SH3D19: variants seen among roughly 807,000 people sequenced by gnomAD.
SH3D19 encodes the protein SH3 domain containing 19.
Under a neutral mutation model 112.1 loss-of-function variants are expected in SH3D19, and 58 were observed. The ratio of observed to expected loss-of-function variants is 0.52; its 90% CI spans 0.42 to 0.64. The LOEUF is 0.64. Among genes scored for constraint, SH3D19 ranks in the 30% least tolerant of loss-of-function variants. The pLI, the probability that SH3D19 is intolerant of heterozygous loss-of-function variation, is 0.00. For synonymous variants in SH3D19, 391 were observed against 448.5 expected, an observed-to-expected ratio of 0.87 and a Z score of 1.62; for missense variants, 1,090 against 1,263.4, an observed-to-expected ratio of 0.86 and a Z score of 2.08.
chr4:151,265,651 A>T, intron 1 of SH3D19, among the ~76,000 whole-genome samples: 1 of 141,552 alleles, frequency 7.1e-6, no homozygotes, highest in South Asian at 2.2e-4. Context: ...ATCTCAGCTC[A>T]CTGCAACCTC....
At chr4:151,220,463 C>A (rs1292418615) in intron 2 of SH3D19, among the ~76,000 whole-genome samples, 16 of 152,246 alleles carry the variant, frequency 1.1e-4, no homozygotes, top group Admixed American at 2.6e-4. Flanking sequence ...GTAGATAAAA[C>A]ATTTGAGATG....
At chr4:151,277,983 G>A (rs1773809285) in intron 1 of SH3D19, among the ~76,000 whole-genome samples, 1 of 152,180 alleles carries the variant, frequency 6.6e-6, no homozygotes, top group South Asian at 2.1e-4. Context: ...GGAGGTTGCA[G>A]TAAGCCGAGA....
intron 1 of SH3D19, among the ~76,000 whole-genome samples, chr4:151,299,591 A>AAG (rs1728147550): frequency 6.7e-6 from 1 of 149,864 alleles, no homozygotes; most frequent in Non-Finnish European, 1.5e-5. Context: ...AAAAAAAAAA[A>AAG]AAAAAAAAAA....
In SH3D19 at chr4:151,122,097, G is replaced by A; in HGVS notation, c.3138C>T (p.Ile1046=). 6.5e-7 allele frequency: 1 copy of A among 1,535,914 alleles called. No individual in the cohort carries two copies. The highest frequency in any genetic ancestry group is 9.0e-7 in the Non-Finnish European group (1 of 1,109,684). ...ACACAGACAAGCTTCTCCTCTAGCT[G>A]ATCTGTAGAAACTGTATGTAGTTTT... The part of the protein sequence containing the change: ...FPKNYIQFLQ[I]S Residue 1046 remains isoleucine (I), a synonymous_variant, in exon 20 of 20, where the codon ATC becomes ATT. Coordinates refer to ENST00000604030, the MANE Select transcript of SH3D19 (RefSeq NM_001378122.1).
chr4:151,282,448 G>A (rs758150734), intron 1 of SH3D19: 9 of 1,608,396 alleles, frequency 5.6e-6, no homozygotes, highest in Non-Finnish European at 6.8e-6. Context: ...TGTTTCATAT[G>A]TCATCCTCTT....
chr4:151,318,466 A>G (rs903404168), intron 1 of SH3D19, among the ~76,000 whole-genome samples: 2 of 152,188 alleles, frequency 1.3e-5, no homozygotes, highest in African/African-American at 4.8e-5. Context: ...GAGATACATG[A>G]ATGCCAAAGA....
At chr4:151,230,252 C>A (rs1769507942) in intron 1 of SH3D19, among the ~76,000 whole-genome samples, 1 of 152,210 alleles carries the variant, frequency 6.6e-6, no homozygotes, top group Non-Finnish European at 1.5e-5. Flanking sequence ...CTACGCAGAT[C>A]CTACTGATGT....
rs567246077 is a variant in SH3D19 at position 151,165,258 on chromosome 4, C to A, written c.1642+331G>T. Among the ~76,000 whole-genome samples the A allele has an allele frequency of 5.3e-4, 81 of 152,146 alleles. 1 individual carries two copies. Among genetic ancestry groups the A allele is most frequent in the African/African-American group, 2.0e-3 (81 of 41,506 alleles). ...TCAGGAGGCTAAGACAGGAGAATTGCTTGAATCCGGGAGGCAGAGGGTGCA... is the reference window on the plus strand; with the variant it reads ...TCAGGAGGCTAAGACAGGAGAATTGATTGAATCCGGGAGGCAGAGGGTGCA... On this transcript the variant is annotated intron_variant, in intron 8 of 19. Transcript: ENST00000604030.
intron 1 of SH3D19, among the ~76,000 whole-genome samples, chr4:151,237,023 A>C (rs1385925699): frequency 6.6e-6 from 1 of 152,210 alleles, no homozygotes; most frequent in Non-Finnish European, 1.5e-5. Flanking sequence ...CATACTGTGG[A>C]AGCTTTGTTC....
intron 1 of SH3D19, among the ~76,000 whole-genome samples, chr4:151,313,087 C>CA (rs571941454): frequency 0.018 from 1,755 of 98,782 alleles, 49 homozygotes; most frequent in African/African-American, 0.058. Flanking sequence ...GACTCTGTCT[C>CA]AAAAAAAAAA....
chr4:151,203,306 A>T (rs1344275166), intron 2 of SH3D19, among the ~76,000 whole-genome samples: 2 of 152,236 alleles, frequency 1.3e-5, no homozygotes, highest in African/African-American at 2.4e-5. Context: ...GATGACTTTC[A>T]GCAGCCTGAG....
At chr4:151,301,887 G>A (rs1728460937) in intron 1 of SH3D19, among the ~76,000 whole-genome samples, 1 of 152,106 alleles carries the variant, frequency 6.6e-6, no homozygotes, top group African/African-American at 2.4e-5. Context: ...AGCTCCCTGG[G>A]CTAATTTCTA....
In SH3D19 at chr4:151,200,249, T is replaced by G. The variant is rs185256614; in HGVS notation, c.153-12786A>C. ...ATACATACATACACACATACATACA[T>G]ACACATACACACACACCCCACACAC... On this transcript the variant is annotated intron_variant, in intron 2 of 19. Transcript: ENST00000604030. Among the ~76,000 whole-genome samples the G allele has an allele frequency of 2.0e-5, 3 of 151,076 alleles. No homozygotes were observed. The East Asian group carries it at 5.8e-4, about 29-fold the overall frequency.
intron 11 of SH3D19, among the ~76,000 whole-genome samples, chr4:151,147,125 A>G (rs1561227715): frequency 6.6e-6 from 1 of 152,216 alleles, no homozygotes; most frequent in South Asian, 2.1e-4. Context: ...GCATGTTCCC[A>G]TAACCCCAGC....
chr4:151,196,267 T>A (rs530614550), intron 2 of SH3D19, among the ~76,000 whole-genome samples: 5 of 151,792 alleles, frequency 3.3e-5, no homozygotes, highest in Admixed American at 6.6e-5. Context: ...CTACAAAAAA[T>A]AAAAAAAATT....
intron 17 of SH3D19, among the ~76,000 whole-genome samples, chr4:151,129,462 C>T (rs1033615776): frequency 5.3e-5 from 8 of 152,100 alleles, no homozygotes; most frequent in African/African-American, 9.7e-5. Flanking sequence ...CTCTGCCTCC[C>T]GGGTTCAAGC....
intron 1 of SH3D19, among the ~76,000 whole-genome samples, chr4:151,324,321 C>T (rs1730834565): frequency 6.6e-6 from 1 of 152,194 alleles, no homozygotes; most frequent in Admixed American, 6.5e-5. Flanking sequence ...AGCTTCTCCA[C>T]TTCATGGAAT....
chr4:151,280,545 A>C (rs1774114656), intron 1 of SH3D19, among the ~76,000 whole-genome samples: 2 of 152,232 alleles, frequency 1.3e-5, no homozygotes, highest in Admixed American at 6.5e-5. Context: ...TAAGCCACTA[A>C]GCTTTATAAC....
At chr4:151,122,511 TCACACACACA>T (rs3064664) in intron 19 of SH3D19, among the ~76,000 whole-genome samples, 6 of 148,518 alleles carry the variant, frequency 4.0e-5, no homozygotes, top group South Asian at 2.1e-4. Context: ...ATACCAGTTA[TCACACACACA>T]CACACACACA....
Sources: allele counts gnomAD v4.1 joint callset (sites outside exome capture counted in the v4.1 genomes callset), GRCh38; gene constraint gnomAD v4.1.1; transcripts MANE v1.5; gene names NCBI Gene and HGNC (gene_info 2026-07-23, HGNC 2026-07-21).